The following SLC35D4 variants were observed in gnomAD, a reference collection of about 807,000 sequenced individuals.
SLC35D4 encodes the protein UDP-N-acetylglucosamine transporter SLC35D4.
At chr18:23,402,745 A>G in the SLC35D4 span, among the ~76,000 whole-genome samples, 1 of 152,016 alleles carries the variant, frequency 6.6e-6, no homozygotes, top group Admixed American at 6.6e-5. Flanking sequence ...TCAAGGCTGC[A>G]GTGAACCATG....
the SLC35D4 span, among the ~76,000 whole-genome samples, chr18:23,333,761 T>C: frequency 3.3e-5 from 5 of 152,230 alleles, no homozygotes; most frequent in Admixed American, 6.5e-5. Context: ...AACTGAAGAC[T>C]TCAAATTCCA....
the SLC35D4 span, chr18:23,352,342 T>G: frequency 6.9e-7 from 1 of 1,444,604 alleles, no homozygotes; most frequent in Non-Finnish European, 9.5e-7. Flanking sequence ...CCTTAGCCAA[T>G]GGCTGACTAG....
the SLC35D4 span, chr18:23,309,695 C>T: frequency 6.2e-7 from 1 of 1,614,142 alleles, no homozygotes; most frequent in Non-Finnish European, 8.5e-7. Context: ...CGTGGTTGCA[C>T]TGGTCAGGAT....
chr18:23,293,533 A>G, the SLC35D4 span, among the ~76,000 whole-genome samples: 2 of 152,216 alleles, frequency 1.3e-5, no homozygotes, highest in Non-Finnish European at 2.9e-5. Context: ...ATTTGGCCCA[A>G]CCACACTCCA....
At chr18:23,380,752 G>A in the SLC35D4 span, among the ~76,000 whole-genome samples, 3 of 151,960 alleles carry the variant, frequency 2.0e-5, no homozygotes, top group East Asian at 1.9e-4. Context: ...TTAATTCCTC[G>A]AGCCACGTAT....
chr18:23,245,899 A>G, the SLC35D4 span, among the ~76,000 whole-genome samples: 1 of 152,216 alleles, frequency 6.6e-6, no homozygotes, highest in Non-Finnish European at 1.5e-5. Context: ...TCCATCACAC[A>G]GCCTGGGCCT....
chr18:23,318,282 G>A, the SLC35D4 span, among the ~76,000 whole-genome samples: 2 of 152,128 alleles, frequency 1.3e-5, no homozygotes, highest in Non-Finnish European at 2.9e-5. Flanking sequence ...AAAAATCGGG[G>A]TTTTTAAAAA....
chr18:23,330,903 C>A, the SLC35D4 span: 2 of 152,376 alleles, frequency 1.3e-5, no homozygotes, highest in African/African-American at 4.8e-5. Context: ...GCTCAAGCAG[C>A]ACCCACACGA....
At chr18:23,297,879 G>T in the SLC35D4 span, 1 of 1,091,058 alleles carries the variant, frequency 9.2e-7, no homozygotes, top group Non-Finnish European at 1.3e-6. Context: ...CTGCCCACCT[G>T]GCCTCACTGT....
At chr18:23,426,567 A>G in the SLC35D4 span, among the ~76,000 whole-genome samples, 1 of 152,230 alleles carries the variant, frequency 6.6e-6, no homozygotes, top group Admixed American at 6.5e-5. Flanking sequence ...AGGAAGAATC[A>G]ATGTCGTGAA....
the SLC35D4 span, among the ~76,000 whole-genome samples, chr18:23,266,209 G>T: frequency 1.3e-5 from 2 of 152,254 alleles, no homozygotes; most frequent in Middle Eastern, 3.4e-3. Context: ...GGCAGGAAAA[G>T]GTTCCAGAGC....
At chr18:23,329,785 AG>A in the SLC35D4 span, among the ~76,000 whole-genome samples, 1 of 152,236 alleles carries the variant, frequency 6.6e-6, no homozygotes, top group Admixed American at 6.5e-5. Context: ...TATTCACAAT[AG>A]CAAAGACTTG....
the SLC35D4 span, among the ~76,000 whole-genome samples, chr18:23,396,418 C>G: frequency 6.6e-6 from 1 of 152,268 alleles, no homozygotes; most frequent in East Asian, 1.9e-4. Flanking sequence ...TTTATCCACC[C>G]TATGAATTTC....
chr18:23,344,716 C>T, the SLC35D4 span, among the ~76,000 whole-genome samples: 2 of 151,530 alleles, frequency 1.3e-5, no homozygotes, highest in East Asian at 2.0e-4. Context: ...ATTTTCCTGC[C>T]TCAGGCTCCC....
At chr18:23,366,122 A>G in the SLC35D4 span, among the ~76,000 whole-genome samples, 1 of 152,228 alleles carries the variant, frequency 6.6e-6, no homozygotes. Flanking sequence ...AGGCTAGCCC[A>G]CAATTGATCC....
chr18:23,376,139 G>C, the SLC35D4 span, among the ~76,000 whole-genome samples: 8 of 152,324 alleles, frequency 5.3e-5, no homozygotes, highest in Non-Finnish European at 8.8e-5. Context: ...AGGGAACTTT[G>C]CCATATGCCA....
At chr18:23,326,506 C>G in the SLC35D4 span, among the ~76,000 whole-genome samples, 1 of 152,188 alleles carries the variant, frequency 6.6e-6, no homozygotes, top group East Asian at 1.9e-4. Flanking sequence ...AGCTAACTAT[C>G]CTAAATATAT....
At chr18:23,275,046 G>A in the SLC35D4 span, among the ~76,000 whole-genome samples, 1 of 37,636 alleles carries the variant, frequency 2.7e-5, no homozygotes, top group African/African-American at 1.7e-4. Flanking sequence ...TTTTGTGTGT[G>A]AGTGTGTTTG....
the SLC35D4 span, among the ~76,000 whole-genome samples, chr18:23,364,811 G>A: frequency 1.4e-5 from 2 of 146,748 alleles, no homozygotes; most frequent in African/African-American, 2.5e-5. Flanking sequence ...GCTGAGGCAG[G>A]AGAATGGCTT....
Sources: allele counts gnomAD v4.1 joint callset (sites outside exome capture counted in the v4.1 genomes callset), GRCh38; gene constraint gnomAD v4.1.1; transcripts MANE v1.5; gene names NCBI Gene and HGNC (gene_info 2026-07-23, HGNC 2026-07-21).